Variants in CDHR1 observed in about 807,000 individuals in gnomAD.
The protein encoded by CDHR1 is cadherin-related family member 1.
A neutral mutation model predicts 72.1 loss-of-function variants in CDHR1; 61 were observed. The ratio of observed to expected loss-of-function variants is 0.85; its 90% confidence interval spans 0.69 to 1.05. The LOEUF (loss-of-function observed/expected upper bound fraction) is 1.05, where lower values mean the gene tolerates loss of function less well. CDHR1 is among the 50% of genes least tolerant of loss of function. The pLI is 0.00. For synonymous variants in CDHR1, 470 were observed against 448.1 expected (o/e 1.05, Z -0.62); for missense variants, 1,186 against 1,115.7 (o/e 1.06, Z -0.90).
At position 84,215,646 on chromosome 10, in the gene CDHR1, T is replaced by G. The variant is rs1349243715; in HGVS notation, c.*1025T>G. On this transcript the variant is annotated 3_prime_UTR_variant, in exon 17 of 17. Transcript: ENST00000623527. ...CTAGGGTGAGGATTGAAGAAAATAGTGGTGATGAGGGCTTTAACCAAGTGC... is the reference window on the plus strand; with the variant it reads ...CTAGGGTGAGGATTGAAGAAAATAGGGGTGATGAGGGCTTTAACCAAGTGC... The G allele has an allele frequency of 2.0e-6, 2 of 975,834 alleles. No homozygotes were observed. Among genetic ancestry groups the G allele is most frequent in the African/African-American group, 3.5e-5 (2 of 56,988 alleles). The allele number at this position is 975,834 out of a possible 1,614,324, so 60.4% of individuals were successfully genotyped here.
rs771088633 is a variant in CDHR1 at position 84,211,035 on chromosome 10, T to A, written c.1355T>A (p.Phe452Tyr). ...LAVEVNTPEK[F>Y]SSTADVVIQL... is the part of the protein sequence containing the mutation. ...GTTGAAGTGAACACCCCAGAGAAGT[T>A]CAGTTCCACAGCGGATGTTGTGATC... Residue 452 changes from phenylalanine to tyrosine, a missense_variant, in exon 13 of 17, where the codon TTC (phenylalanine) becomes TAC (tyrosine). By Grantham distance (22) the Phe-to-Tyr change is conservative (BLOSUM62 3). Transcript: ENST00000623527. 10 of 1,614,114 alleles carry A rather than the reference T, an allele frequency of 6.2e-6. No homozygotes were observed. In the South Asian group the frequency reaches 1.1e-4, roughly 18 times the overall value.
chr10:84,206,740 G>C (rs1270187338), intron 10 of CDHR1, among the ~76,000 whole-genome samples: 1 of 152,136 alleles, frequency 6.6e-6, no homozygotes, highest in African/African-American at 2.4e-5. Flanking sequence ...CCAGGAATCT[G>C]CGTATTATAA....
intron 13 of CDHR1, 112 bp downstream of exon 13, chr10:84,211,277 C>A: frequency 8.9e-7 from 1 of 1,121,762 alleles, no homozygotes; most frequent in South Asian, 1.4e-5. Flanking sequence ...ATTAGCTGTC[C>A]TTGGACAAGC....
intron 5 of CDHR1, 33 bp downstream of exon 5, chr10:84,199,154 C>T (rs1184399812): frequency 6.6e-7 from 1 of 1,522,334 alleles, no homozygotes; most frequent in Non-Finnish European, 8.9e-7. Flanking sequence ...GGCTGATTTT[C>T]CCACCCAGGC....
At position 84,214,862 on chromosome 10, in the gene CDHR1, G is replaced by C. The variant is rs1018246068; in HGVS notation, c.*241G>C. 3.5e-6 allele frequency: 5 copies of C among 1,448,168 alleles called. No homozygotes were observed. The African/African-American group carries it at 5.7e-5, about 17-fold the overall frequency. The allele number at this position is 1,448,168 out of a possible 1,614,324, so 89.7% of individuals were successfully genotyped here. On this transcript the variant is annotated 3_prime_UTR_variant, in exon 17 of 17. Transcript: ENST00000623527. ...GCTCTAGGATGCAATTGGCAAATAC[G>C]TCCCCGTTACTCAAATCCTTGGCAC... is the stretch of plus-strand genomic sequence containing the variant.
chr10:84,208,964 CT>C lies in CDHR1; in HGVS notation c.1320+84del, dbSNP rs1014364813. ...GCATCTTGGTTCATTCCTGAGGGGT[CT>C]CTTGTCACTCTCTGCCCTTCCTGGC... On this transcript the variant is annotated intron_variant, in intron 12 of 16. Transcript: ENST00000623527. 2.9e-6 allele frequency: 4 copies of C among 1,383,710 alleles called. No homozygotes were observed. In the African/African-American group the frequency reaches 5.7e-5, roughly 20 times the overall value. 85.7% of individuals were successfully genotyped at this position (1,383,710 alleles called of 1,614,324 possible). A position where few individuals can be genotyped will look rare whatever the true frequency, so the allele number is the denominator to read the frequency against.
chr10:84,194,842 C>A, intron 1 of CDHR1, 27 bp downstream of exon 1: 2 of 1,531,964 alleles, frequency 1.3e-6, no homozygotes, highest in Non-Finnish European at 1.7e-6. Flanking sequence ...CCGCGCTGGC[C>A]GCGTGGATGG....
chr10:84,199,730 A>T (rs1316950310), intron 5 of CDHR1, among the ~76,000 whole-genome samples: 2 of 152,220 alleles, frequency 1.3e-5, no homozygotes, highest in Non-Finnish European at 2.9e-5. Context: ...GATACAGTTC[A>T]GGATTTGAAA....
rs755611265 is a variant in CDHR1, at chr10:84,208,782, A to G, written c.1221A>G (p.Arg407=). The change falls in exon 12 of 17, where the codon CGA becomes CGG. Residue 407 remains arginine, a synonymous_variant. Coordinates refer to ENST00000623527, the MANE Select transcript of CDHR1 (RefSeq NM_033100.4). ...LQLVGPRGIF[R]VVPQTVLNEA... is the part of the protein sequence containing the mutation. ...TGGTGGGACCCAGGGGCATCTTCCGAGTGGTTCCACAGACAGTCCTGAATG... is the reference window on the plus strand; with the variant it reads ...TGGTGGGACCCAGGGGCATCTTCCGGGTGGTTCCACAGACAGTCCTGAATG... 6.2e-7 allele frequency: 1 copy of G among 1,614,174 alleles called. No homozygotes were observed. Among genetic ancestry groups the G allele is most frequent in the South Asian group, 1.1e-5 (1 of 91,078 alleles).
At chr10:84,210,214 G>GT (rs151161936) in intron 12 of CDHR1, among the ~76,000 whole-genome samples, 5,505 of 151,520 alleles carry the variant, frequency 0.036, 153 homozygotes, top group East Asian at 0.13. Context: ...GCCAAGACTC[G>GT]TTTTTTTTGT....
chr10:84,215,841 C>T lies in CDHR1; in HGVS notation c.*1220C>T. 2.0e-6 allele frequency: 2 copies of T among 985,548 alleles called. No homozygotes were observed. Among genetic ancestry groups the T allele is most frequent in the East Asian group, 1.1e-4 (1 of 8,814 alleles). 61.1% of individuals were successfully genotyped at this position (985,548 alleles called of 1,614,324 possible). A position where few individuals can be genotyped will look rare whatever the true frequency, so the allele number is the denominator to read the frequency against. ...CATTGCCGTGACTCACACACCTCTA[C>T]TTCTGTTCTTCCCTCACTCCATCCC... is the stretch of plus-strand genomic sequence containing the variant. On this transcript the variant is annotated 3_prime_UTR_variant, in exon 17 of 17. Coordinates refer to ENST00000623527, the MANE Select transcript of CDHR1 (RefSeq NM_033100.4).
In CDHR1 at chr10:84,204,618, A is replaced by C; in HGVS notation, c.862+13A>C. Reference sequence around the variant, plus strand: ...AGCCTTGTAAATGGTGAGTCTGAGCAGCTTTGGGGGCTGCAGCTTTGACTC... The same window carrying C: ...AGCCTTGTAAATGGTGAGTCTGAGCCGCTTTGGGGGCTGCAGCTTTGACTC... On this transcript the variant is annotated intron_variant, in intron 9 of 16. Coordinates refer to ENST00000623527, the MANE Select transcript of CDHR1 (RefSeq NM_033100.4). 1.3e-6 allele frequency: 2 copies of C among 1,597,018 alleles called. No homozygotes were observed. Among genetic ancestry groups the C allele is most frequent in the African/African-American group, 1.3e-5 (1 of 74,666 alleles).
At position 84,218,345 on chromosome 10, in the gene CDHR1, G is replaced by A. The variant is rs1158480280; in HGVS notation, c.*3724G>A. 1.0e-6 allele frequency: 1 copy of A among 985,316 alleles called. No individual in the cohort carries two copies. The highest frequency in any genetic ancestry group is 1.2e-6 in the Non-Finnish European group (1 of 829,934). The allele number at this position is 985,316 out of a possible 1,614,324, so 61.0% of individuals were successfully genotyped here. A position where few individuals can be genotyped will look rare whatever the true frequency, so the allele number is the denominator to read the frequency against. ...CTGATGTTGGGGACATCGGTTTGAT[G>A]TTATAAAATCGTGCACATGTACCCC... is the stretch of plus-strand genomic sequence containing the variant. On this transcript the variant is annotated 3_prime_UTR_variant, in exon 17 of 17. Coordinates refer to ENST00000623527, the MANE Select transcript of CDHR1 (RefSeq NM_033100.4).
chr10:84,202,889 A>C, intron 7 of CDHR1, 91 bp from the exon 8 acceptor site: 1 of 1,453,574 alleles, frequency 6.9e-7, no homozygotes. Context: ...CCTCACAGCC[A>C]TAGGTGGCAG....
downstream of CDHR1, chr10:84,219,504 T>C (rs1321397347): frequency 1.8e-6 from 1 of 556,312 alleles, no homozygotes; most frequent in African/African-American, 1.9e-5. Context: ...ACTCTCACCT[T>C]CATGGTAGCC....
At chr10:84,196,368 C>G (rs921224180) in intron 2 of CDHR1, 137 bp from the exon 3 acceptor site, 9 of 918,436 alleles carry the variant, frequency 9.8e-6, no homozygotes, top group Non-Finnish European at 1.6e-5. Flanking sequence ...CAATGAGCAC[C>G]AAGTTCAGGG....
chr10:84,211,891 G>A (rs1842338859), intron 14 of CDHR1, among the ~76,000 whole-genome samples, 176 bp downstream of exon 14: 1 of 152,162 alleles, frequency 6.6e-6, no homozygotes. Context: ...CAGGGCCCAG[G>A]ACCTCAGGAG....
At position 84,216,031 on chromosome 10, in the gene CDHR1, T is replaced by A; in HGVS notation, c.*1410T>A. ...AGCCAGGGCAGCCCTTATCAGCTTG[T>A]GACAACCTTCCCCAGGACAGAAGTC... On this transcript the variant is annotated 3_prime_UTR_variant, in exon 17 of 17. Coordinates refer to ENST00000623527, the MANE Select transcript of CDHR1 (RefSeq NM_033100.4). The A allele has an allele frequency of 1.0e-6, 1 of 985,444 alleles. No homozygotes were observed. The highest frequency in any genetic ancestry group is 1.2e-6 in the Non-Finnish European group (1 of 829,954). The allele number at this position is 985,444 out of a possible 1,614,324, so 61.0% of individuals were successfully genotyped here.
In CDHR1 at chr10:84,204,605, G is replaced by A. The variant is rs1842191878; in HGVS notation, c.862G>A (p.Gly288Arg). The change falls in exon 9 of 17, where the codon GGG (glycine) becomes AGG (arginine). Residue 288 changes from glycine (G) to arginine (R), a missense_variant and splice_region_variant. By Grantham distance (125) the Gly-to-Arg change is moderately radical. Coordinates refer to ENST00000623527, the MANE Select transcript of CDHR1 (RefSeq NM_033100.4). Reference protein sequence around the residue: ...PNRILYSLVNGNDGAFEINET... With the variant: ...PNRILYSLVNRNDGAFEINET... ...TCGAATTCTCTACAGCCTTGTAAAT[G>A]GTGAGTCTGAGCAGCTTTGGGGGCT... 5 of 1,610,804 alleles carry A rather than the reference G, an allele frequency of 3.1e-6. No homozygotes were observed. The highest frequency in any genetic ancestry group is 4.2e-6 in the Non-Finnish European group (5 of 1,176,978).
Sources: gnomAD v4.1 joint callset for allele counts (sites outside exome capture counted in the v4.1 genomes callset) on GRCh38, gnomAD v4.1.1 for gene constraint, MANE v1.5 for transcripts, NCBI Gene and HGNC (gene_info 2026-07-23, HGNC 2026-07-21) for gene names.